GRK4: variants seen among roughly 807,000 people sequenced by gnomAD.
GRK4 encodes the protein G protein-coupled receptor kinase 4.
GRK4 carries 73 observed loss-of-function variants against 77.9 expected under a neutral mutation model. The observed-to-expected ratio is 0.94, with a 90% CI of 0.78 to 1.14. The LOEUF is 1.14. GRK4 is among the 50% of genes most tolerant of loss of function. The pLI is 0.00. For synonymous variants in GRK4, 257 were observed against 254.4 expected, an observed-to-expected ratio of 1.01 and a Z score of -0.10; for missense variants, 729 against 700.2, an observed-to-expected ratio of 1.04 and a Z score of -0.46.
chr4:2,997,272 A>G (rs956792562), intron 4 of GRK4, among the ~76,000 whole-genome samples: 3 of 152,234 alleles, frequency 2.0e-5, no homozygotes, highest in African/African-American at 7.2e-5. Flanking sequence ...TTGGTTCAGT[A>G]TCTGAAAATC....
chr4:3,035,543 G>A lies in GRK4; in HGVS notation c.1407+20G>A, dbSNP rs770421690. ...CCTGATGTAAGTGCATTGCCAGGAC[G>A]AGCAGGGCCCTAGGAACAGTGATCC... On this transcript the variant is annotated intron_variant, in intron 13 of 15. Coordinates refer to ENST00000398052, the MANE Select transcript of GRK4 (RefSeq NM_182982.3). 33 of 1,604,652 alleles carry A rather than the reference G, an allele frequency of 2.1e-5. No homozygotes were observed. The highest frequency in any genetic ancestry group is 3.5e-4 in the Middle Eastern group (2 of 5,656).
At chr4:3,001,016 G>C (rs1729399178) in intron 4 of GRK4, among the ~76,000 whole-genome samples, 1 of 150,504 alleles carries the variant, frequency 6.6e-6, no homozygotes, top group African/African-American at 2.5e-5. Context: ...GCACTGGAGA[G>C]GGACTTCCCA....
chr4:2,998,456 C>T (rs975735148), intron 4 of GRK4, among the ~76,000 whole-genome samples: 2 of 151,888 alleles, frequency 1.3e-5, no homozygotes, highest in Non-Finnish European at 2.9e-5. Flanking sequence ...CTAAGAAATT[C>T]ACACATACAC....
At chr4:2,989,175 C>T (rs562391403) in intron 3 of GRK4, among the ~76,000 whole-genome samples, 32 of 151,624 alleles carry the variant, frequency 2.1e-4, no homozygotes, top group African/African-American at 6.3e-4. Context: ...AGCAAGACTC[C>T]GTCTCAAAAA....
chr4:3,024,372 C>G (rs1412721424), intron 10 of GRK4, among the ~76,000 whole-genome samples: 1 of 152,216 alleles, frequency 6.6e-6, no homozygotes, highest in African/African-American at 2.4e-5. Context: ...AAGCGACCCT[C>G]CTGCCTCAGC....
chr4:3,029,089 A>G, intron 11 of GRK4, 112 bp from the exon 12 acceptor site: 1 of 808,218 alleles, frequency 1.2e-6, no homozygotes, highest in South Asian at 1.8e-5. Context: ...AATGTTTTTA[A>G]GGTTCGTCCA....
intron 4 of GRK4, among the ~76,000 whole-genome samples, chr4:2,995,864 C>T (rs974891260): frequency 6.6e-6 from 1 of 151,988 alleles, no homozygotes; most frequent in Non-Finnish European, 1.5e-5. Context: ...AACAATGATC[C>T]ACTGATCATT....
chr4:3,034,237 C>T (rs1366973875), intron 12 of GRK4, among the ~76,000 whole-genome samples: 1 of 152,150 alleles, frequency 6.6e-6, no homozygotes, highest in African/African-American at 2.4e-5. Context: ...AGCCCTGGAG[C>T]AGGCACAGCC....
At chr4:2,980,198 A>C (rs906133458) in intron 1 of GRK4, among the ~76,000 whole-genome samples, 9 of 152,130 alleles carry the variant, frequency 5.9e-5, no homozygotes, top group African/African-American at 2.2e-4. Context: ...TCAATAAATA[A>C]TTTGTTAGCC....
intron 12 of GRK4, among the ~76,000 whole-genome samples, chr4:3,034,827 C>G (rs1740131464): frequency 6.6e-6 from 1 of 152,090 alleles, no homozygotes; most frequent in Admixed American, 6.6e-5. Flanking sequence ...ATTTTTTTAA[C>G]TTAAGGAATA....
Position 3,009,684 on chromosome 4 carries a change from A to G in GRK4, c.573A>G (p.Arg191=), listed in dbSNP as rs752497356. ...PVTKNTFRHY[R]VLGKGGFGEV... is the part of the protein sequence containing the mutation. ...CAAAGAACACATTTAGACATTACAG[A>G]GTTCTAGGAAAAGGCGGATTTGGAG... is the stretch of plus-strand genomic sequence containing the variant. Residue 191 remains arginine, a synonymous_variant, in exon 7 of 16, where the codon AGA becomes AGG. Transcript: ENST00000398052. The G allele has an allele frequency of 3.1e-6, 5 of 1,613,984 alleles. No homozygotes were observed. Among genetic ancestry groups the G allele is most frequent in the Non-Finnish European group, 4.2e-6 (5 of 1,179,882 alleles).
intron 8 of GRK4, among the ~76,000 whole-genome samples, chr4:3,016,095 C>T (rs1038046216): frequency 1.3e-5 from 2 of 150,432 alleles, no homozygotes; most frequent in South Asian, 2.1e-4. Flanking sequence ...TTATTAGTAG[C>T]GACAGGGTTT....
intron 11 of GRK4, 99 bp downstream of exon 11, chr4:3,028,100 T>C (rs1738103299): frequency 2.1e-6 from 2 of 969,528 alleles, no homozygotes; most frequent in Non-Finnish European, 3.3e-6. Context: ...GGGCCTCGGT[T>C]TGGACACACT....
intron 12 of GRK4, 88 bp from the exon 13 acceptor site, chr4:3,035,298 G>A (rs1051224408): frequency 7.5e-6 from 10 of 1,334,414 alleles, no homozygotes; most frequent in African/African-American, 5.8e-5. Flanking sequence ...CTGCCCTCCC[G>A]AGTCCTTTGG....
At chr4:2,983,669 T>C (rs1212332741) in intron 1 of GRK4, among the ~76,000 whole-genome samples, 1 of 152,228 alleles carries the variant, frequency 6.6e-6, no homozygotes, top group Non-Finnish European at 1.5e-5. Flanking sequence ...TTTATCACTA[T>C]ATGATTAGCA....
chr4:2,965,146 T>C, intron 1 of GRK4: 2 of 620,470 alleles, frequency 3.2e-6, no homozygotes, highest in South Asian at 3.8e-5. Flanking sequence ...CTGCTTAGTC[T>C]TTGTTCAAGG....
chr4:2,986,918 G>T, intron 2 of GRK4: 1 of 311,632 alleles, frequency 3.2e-6, no homozygotes, highest in Non-Finnish European at 6.4e-6. Context: ...CCCCCCCATT[G>T]TTTTAACTCC....
chr4:3,030,718 T>G (rs1738915452), intron 12 of GRK4, among the ~76,000 whole-genome samples: 1 of 149,554 alleles, frequency 6.7e-6, no homozygotes, highest in Non-Finnish European at 1.5e-5. Context: ...AGTGGCAGGC[T>G]GCTGGCAAGA....
At chr4:3,013,911 C>A in intron 8 of GRK4, 83 bp downstream of exon 8, 1 of 1,394,314 alleles carries the variant, frequency 7.2e-7, no homozygotes. Flanking sequence ...AGCTCACGCT[C>A]ACTGAAGCCG....
Sources: gnomAD v4.1 joint callset for allele counts (sites outside exome capture counted in the v4.1 genomes callset) on GRCh38, gnomAD v4.1.1 for gene constraint, MANE v1.5 for transcripts, NCBI Gene and HGNC (gene_info 2026-07-23, HGNC 2026-07-21) for gene names.